Variants in FMNL2 observed in about 807,000 individuals in gnomAD.
FMNL2 encodes the protein formin-like protein 2.
In FMNL2, 51 loss-of-function variants were observed where a neutral mutation model predicts 130.2. That is an observed-to-expected ratio of 0.39 (90% CI 0.31 to 0.49). FMNL2 has a LOEUF of 0.49. FMNL2 is among the 20% of genes least tolerant of loss of function. The pLI, the probability that FMNL2 is intolerant of heterozygous loss-of-function variation, is 0.85. For missense variants in FMNL2, 977 were observed against 1,316.2 expected (o/e 0.74, Z 3.99); for synonymous variants, 465 against 467.1 (o/e 1.00, Z 0.06).
At chr2:152,373,522 G>A (rs1281861441) in intron 1 of FMNL2, among the ~76,000 whole-genome samples, 1 of 152,150 alleles carries the variant, frequency 6.6e-6, no homozygotes. Context: ...AAATCCATGG[G>A]TGTTCAAGTC....
At chr2:152,360,489 A>C (rs1346530212) in intron 1 of FMNL2, among the ~76,000 whole-genome samples, 1 of 151,878 alleles carries the variant, frequency 6.6e-6, no homozygotes, top group East Asian at 1.9e-4. Context: ...CACCACCATG[A>C]CCAGCTACGC....
chr2:152,646,701 G>GTTAT (rs1339910016), intron 25 of FMNL2, among the ~76,000 whole-genome samples: 2 of 152,126 alleles, frequency 1.3e-5, no homozygotes, highest in South Asian at 4.1e-4. Context: ...GTTTAATTCT[G>GTTAT]TTATTTGTTT....
chr2:152,350,726 T>C (rs1682430167), intron 1 of FMNL2, among the ~76,000 whole-genome samples: 1 of 152,200 alleles, frequency 6.6e-6, no homozygotes, highest in Non-Finnish European at 1.5e-5. Context: ...TACAAAATTA[T>C]TGTATTTTAA....
chr2:152,381,621 T>G (rs1227522252), intron 1 of FMNL2, among the ~76,000 whole-genome samples: 1 of 152,208 alleles, frequency 6.6e-6, no homozygotes, highest in Non-Finnish European at 1.5e-5. Context: ...TGATGGTTTG[T>G]TTTACTTTTA....
intron 1 of FMNL2, among the ~76,000 whole-genome samples, chr2:152,485,512 A>C (rs186445409): frequency 1.3e-5 from 2 of 152,318 alleles, no homozygotes; most frequent in Admixed American, 1.3e-4. Context: ...ACTGCACTCC[A>C]GCCTGGGGGA....
chr2:152,561,868 A>T (rs1035219798), intron 6 of FMNL2, among the ~76,000 whole-genome samples: 1 of 152,084 alleles, frequency 6.6e-6, no homozygotes, highest in Non-Finnish European at 1.5e-5. Flanking sequence ...ATCAGCCACC[A>T]CACCCGGCCA....
At chr2:152,613,107 G>C (rs1053881039) in intron 11 of FMNL2, among the ~76,000 whole-genome samples, 3 of 152,214 alleles carry the variant, frequency 2.0e-5, no homozygotes, top group African/African-American at 7.2e-5. Context: ...TACTCAGGGA[G>C]AGGCGTAATA....
chr2:152,516,571 T>C (rs898854066), intron 1 of FMNL2, among the ~76,000 whole-genome samples: 3 of 152,204 alleles, frequency 2.0e-5, no homozygotes. Context: ...GACAAAGATA[T>C]ATTACATAAG....
chr2:152,638,449 T>TTC (rs1682804924), intron 23 of FMNL2, among the ~76,000 whole-genome samples: 1 of 152,044 alleles, frequency 6.6e-6, no homozygotes, highest in Non-Finnish European at 1.5e-5. Flanking sequence ...TGTGGCAGGG[T>TTC]TCTCCACACT....
intron 9 of FMNL2, among the ~76,000 whole-genome samples, chr2:152,588,104 T>G (rs1202105644): frequency 6.6e-6 from 1 of 152,230 alleles, no homozygotes; most frequent in African/African-American, 2.4e-5. Flanking sequence ...GACTACAAAC[T>G]TAGTGGCTTA....
chr2:152,353,049 A>T (rs1474916800), intron 1 of FMNL2, among the ~76,000 whole-genome samples: 1 of 152,220 alleles, frequency 6.6e-6, no homozygotes, highest in African/African-American at 2.4e-5. Context: ...AGATGCTGGG[A>T]CACAAAGGTG....
intron 2 of FMNL2, among the ~76,000 whole-genome samples, chr2:152,529,909 T>G (rs956485691): frequency 3.9e-5 from 6 of 152,220 alleles, no homozygotes; most frequent in African/African-American, 1.2e-4. Context: ...CATCAAGGGC[T>G]TAGTCTCGTT....
chr2:152,471,486 G>C (rs893136899), intron 1 of FMNL2, among the ~76,000 whole-genome samples: 3 of 152,076 alleles, frequency 2.0e-5, no homozygotes, highest in Admixed American at 1.3e-4. Context: ...TTGACTGCAG[G>C]GTGCCTTAAA....
intron 23 of FMNL2, 32 bp downstream of exon 23, chr2:152,637,706 C>T: frequency 6.3e-7 from 1 of 1,587,766 alleles, no homozygotes; most frequent in Non-Finnish European, 8.6e-7. Flanking sequence ...GCCCTTATTT[C>T]TCAAGCAATT....
chr2:152,348,866 C>T (rs1333311627), intron 1 of FMNL2, among the ~76,000 whole-genome samples: 3 of 95,258 alleles, frequency 3.1e-5, no homozygotes, highest in African/African-American at 1.4e-4. Context: ...CTCGCTCTGT[C>T]GCCCAGGCCG....
chr2:152,365,068 C>T (rs1683432847), intron 1 of FMNL2, among the ~76,000 whole-genome samples: 1 of 152,120 alleles, frequency 6.6e-6, no homozygotes, highest in Non-Finnish European at 1.5e-5. Flanking sequence ...GTGCTGGGTA[C>T]TGTATTAGAG....
Position 152,578,264 on chromosome 2 carries a change from G to A in FMNL2, c.706-624G>A, listed in dbSNP as rs77153620. ...TTGACCCTTGAATTTTGTGGGGTGT[G>A]AGGGGTACTGATCCCTGGTGTAGTC... On this transcript the variant is annotated intron_variant, in intron 7 of 25. Coordinates refer to ENST00000288670, the MANE Select transcript of FMNL2 (RefSeq NM_052905.4). Among the ~76,000 whole-genome samples the A allele has an allele frequency of 0.018, 2,665 of 152,272 alleles. 126 individuals are homozygous for A. In the East Asian group the frequency reaches 0.19, roughly 11 times the overall value.
intron 2 of FMNL2, among the ~76,000 whole-genome samples, chr2:152,537,471 C>T (rs141413195): frequency 1.8e-4 from 28 of 152,264 alleles, no homozygotes; most frequent in Non-Finnish European, 3.2e-4. Flanking sequence ...TTTAGATCTA[C>T]GAGAGACACA....
At chr2:152,589,987 A>ATATGTATATATATGTATATG (rs1697323897) in intron 9 of FMNL2, among the ~76,000 whole-genome samples, 1 of 55,254 alleles carries the variant, frequency 1.8e-5, no homozygotes, top group Non-Finnish European at 3.4e-5. Flanking sequence ...ATATATATGT[A>ATATGTATATATATGTATATG]TATGTATATG....
Sources: allele counts gnomAD v4.1 joint callset (sites outside exome capture counted in the v4.1 genomes callset), GRCh38; gene constraint gnomAD v4.1.1; transcripts MANE v1.5; gene names NCBI Gene and HGNC (gene_info 2026-07-23, HGNC 2026-07-21).